The following THSD4 variants were observed in gnomAD, a reference collection of about 807,000 sequenced individuals.
The protein encoded by THSD4 is thrombospondin type 1 domain containing 4.
In THSD4, 69 loss-of-function variants were observed where a neutral mutation model predicts 119.0. The observed-to-expected ratio is 0.58, with a 90% CI of 0.48 to 0.71. The LOEUF (loss-of-function observed/expected upper bound fraction) is 0.71, where lower values mean the gene tolerates loss of function less well. THSD4 is among the 30% of genes least tolerant of loss of function. THSD4 has a pLI of 0.00. For missense variants in THSD4, 1,393 were observed against 1,391.1 expected (o/e 1.00, Z -0.02); for synonymous variants, 524 against 540.4 (o/e 0.97, Z 0.42).
intron 7 of THSD4, among the ~76,000 whole-genome samples, chr15:71,572,962 A>G (rs2140902423): frequency 6.6e-6 from 1 of 152,188 alleles, no homozygotes; most frequent in Non-Finnish European, 1.5e-5. Flanking sequence ...GTTCCTGGAG[A>G]AGTCTGTAGA....
chr15:71,210,620 G>C (rs2043880734), intron 3 of THSD4, among the ~76,000 whole-genome samples: 1 of 152,182 alleles, frequency 6.6e-6, no homozygotes, highest in Non-Finnish European at 1.5e-5. Context: ...TTAATCATAT[G>C]AAATTGTATT....
intron 12 of THSD4, 87 bp downstream of exon 12, chr15:71,745,322 G>T: frequency 6.7e-7 from 1 of 1,491,386 alleles, no homozygotes; most frequent in Non-Finnish European, 9.0e-7. Context: ...ATATAAGTCA[G>T]TCTAAATCTG....
chr15:71,717,825 C>T (rs1383689426), intron 8 of THSD4, among the ~76,000 whole-genome samples: 1 of 152,104 alleles, frequency 6.6e-6, no homozygotes, highest in African/African-American at 2.4e-5. Flanking sequence ...TGGTCAGGTA[C>T]TAAATGAGAC....
In THSD4 at chr15:71,771,215, A is replaced by C. The variant is rs745642225; in HGVS notation, c.2914+7A>C. The C allele has an allele frequency of 9.3e-6, 15 of 1,612,700 alleles. No homozygotes were observed. Among genetic ancestry groups the C allele is most frequent in the Non-Finnish European group, 1.3e-5 (15 of 1,179,720 alleles). On this transcript the variant is annotated splice_region_variant and intron_variant, in intron 17 of 17. Coordinates refer to ENST00000261862, the MANE Select transcript of THSD4 (RefSeq NM_024817.3). ...GACTGTGTCCCTGAAGTTGGTAAGT[A>C]GAGATTTCAATCATGGGGGAAAGGT... is the stretch of plus-strand genomic sequence containing the variant.
chr15:71,114,303 C>T (rs2040333068), upstream of THSD4, among the ~76,000 whole-genome samples: 1 of 152,026 alleles, frequency 6.6e-6, no homozygotes, highest in South Asian at 2.1e-4. Context: ...AGCCCTGGTG[C>T]TGCCTGGCTC....
rs553365577 is a variant in THSD4, at chr15:71,212,351, G to A, written c.100-2684G>A. ...AGAATTATTATGAATAGAATAGGAC[G>A]GAATGTGGCTTCATGTTTTCTTCCC... On this transcript the variant is annotated intron_variant, in intron 3 of 17. Transcript: ENST00000261862. 5.4e-4 allele frequency among the ~76,000 whole-genome samples: 82 copies of A among 152,262 alleles called. No homozygotes were observed. The South Asian group carries it at 0.011, about 20-fold the overall frequency.
At chr15:71,754,504 A>G (rs2053504387) in intron 14 of THSD4, among the ~76,000 whole-genome samples, 1 of 152,068 alleles carries the variant, frequency 6.6e-6, no homozygotes, top group South Asian at 2.1e-4. Flanking sequence ...CAAATCCTTT[A>G]GCCTAGAATA....
intron 7 of THSD4, among the ~76,000 whole-genome samples, chr15:71,556,537 C>T (rs1350530274): frequency 1.3e-5 from 2 of 151,744 alleles, no homozygotes; most frequent in African/African-American, 4.8e-5. Context: ...ATCACGTGAG[C>T]CCAGGAGTTC....
intron 7 of THSD4, among the ~76,000 whole-genome samples, chr15:71,616,530 A>G (rs2050321516): frequency 6.6e-6 from 1 of 152,236 alleles, no homozygotes; most frequent in South Asian, 2.1e-4. Flanking sequence ...GTAGAGGCAG[A>G]CAAGTGGTGG....
At chr15:71,326,688 AAAAAAAAAAAAAATATAT>A (rs1377783033) in intron 6 of THSD4, among the ~76,000 whole-genome samples, 6 of 20,146 alleles carry the variant, frequency 3.0e-4, no homozygotes, top group African/African-American at 5.3e-4. Flanking sequence ...AAAAAAAAAA[AAAAAAAAAAAAAATATAT>A]ATATATATAT....
At position 71,215,281 on chromosome 15, in the gene THSD4, C is replaced by G. The variant is rs1163419529; in HGVS notation, c.346C>G (p.Arg116Gly). 5.9e-6 allele frequency: 9 copies of G among 1,520,764 alleles called. No homozygotes were observed. Among genetic ancestry groups the G allele is most frequent in the Non-Finnish European group, 7.9e-6 (9 of 1,140,294 alleles). 94.2% of individuals were successfully genotyped at this position (1,520,764 alleles called of 1,614,324 possible). Residue 116 changes from arginine (R) to glycine (G), a missense_variant, in exon 4 of 18, where the codon CGG becomes GGG. Coordinates refer to ENST00000261862, the MANE Select transcript of THSD4 (RefSeq NM_024817.3). Reference sequence around the variant, plus strand: ...GGTGCGCACGTCGGTGCCACTGCACCGGAGCCGCGACGAGACGCCAGCGCT... The same window carrying G: ...GGTGCGCACGTCGGTGCCACTGCACGGGAGCCGCGACGAGACGCCAGCGCT... ...SAVRTSVPLH[R>G]SRDETPALAG...
chr15:71,153,815 T>C (rs868528251), intron 2 of THSD4, among the ~76,000 whole-genome samples: 2 of 152,328 alleles, frequency 1.3e-5, no homozygotes, highest in Middle Eastern at 3.4e-3. Context: ...GGTCAAAAGA[T>C]GTAGTGGCCT....
intron 4 of THSD4, among the ~76,000 whole-genome samples, chr15:71,241,384 A>C (rs2044151463): frequency 6.6e-6 from 1 of 152,130 alleles, no homozygotes; most frequent in Admixed American, 6.6e-5. Context: ...CTTCAGACAG[A>C]AGTGCTTTTT....
At chr15:71,632,876 T>A (rs1595809214) in intron 7 of THSD4, among the ~76,000 whole-genome samples, 1 of 152,294 alleles carries the variant, frequency 6.6e-6, no homozygotes, top group South Asian at 2.1e-4. Context: ...GGCTAATTCG[T>A]GAGTGAGAGG....
At chr15:71,284,443 C>T (rs1311992593) in intron 6 of THSD4, among the ~76,000 whole-genome samples, 1 of 152,146 alleles carries the variant, frequency 6.6e-6, no homozygotes, top group Non-Finnish European at 1.5e-5. Flanking sequence ...AGAAGTGGTT[C>T]CATGCTACAT....
chr15:71,696,669 G>A (rs2052171537), intron 8 of THSD4, among the ~76,000 whole-genome samples: 1 of 152,142 alleles, frequency 6.6e-6, no homozygotes, highest in African/African-American at 2.4e-5. Flanking sequence ...GAAAGGAAAA[G>A]ACACAAAAAT....
Position 71,527,464 on chromosome 15 carries a change from T to C in THSD4, c.1152+115641T>C, listed in dbSNP as rs572479987. Among the ~76,000 whole-genome samples the C allele has an allele frequency of 8.7e-4, 133 of 152,228 alleles. 2 individuals are homozygous for C. The highest frequency in any genetic ancestry group is 1.0e-4 in the Non-Finnish European group (7 of 68,016). On this transcript the variant is annotated intron_variant, in intron 7 of 17. Coordinates refer to ENST00000261862, the MANE Select transcript of THSD4 (RefSeq NM_024817.3). ...GTTTTTATAACTTCCCAACACTTTC[T>C]TTTTCATAATGTATTCCCCATTAAT...
rs534184049 is a variant in THSD4 at position 71,579,260 on chromosome 15, C to T, written c.1153-81270C>T. On this transcript the variant is annotated intron_variant, in intron 7 of 17. Transcript: ENST00000261862. ...TTTACTTCTTTTGTATTCTCCATAA[C>T]AGCTGGCTCTTCATGGTTGTACAGT... 5.9e-5 allele frequency among the ~76,000 whole-genome samples: 9 copies of T among 152,196 alleles called. 1 individual carries two copies. The highest frequency in any genetic ancestry group is 1.3e-4 in the Non-Finnish European group (9 of 68,032).
At chr15:71,682,527 C>A (rs2051804059) in intron 8 of THSD4, among the ~76,000 whole-genome samples, 1 of 151,018 alleles carries the variant, frequency 6.6e-6, no homozygotes, top group African/African-American at 2.4e-5. Context: ...TTTAGAAAAA[C>A]CTTATATAAA....
Sources: gnomAD v4.1 joint callset for allele counts (sites outside exome capture counted in the v4.1 genomes callset) on GRCh38, gnomAD v4.1.1 for gene constraint, MANE v1.5 for transcripts, NCBI Gene and HGNC (gene_info 2026-07-23, HGNC 2026-07-21) for gene names.